Variants in CCSER1 observed in about 807,000 individuals in gnomAD.
CCSER1 encodes the protein serine-rich coiled-coil domain-containing protein 1.
In CCSER1, 41 loss-of-function variants were observed where a neutral mutation model predicts 82.0. That is an observed-to-expected ratio of 0.50 (90% CI 0.39 to 0.65). CCSER1 has a LOEUF of 0.65. CCSER1 is among the 30% of genes least tolerant of loss of function. The probability of loss-of-function intolerance (pLI) is 0.00; values close to 1 mark genes in which losing one functional copy is unlikely to be tolerated. For synonymous variants in CCSER1, 414 were observed against 383.9 expected, an observed-to-expected ratio of 1.08 and a Z score of -0.92; for missense variants, 1,119 against 1,064.2, an observed-to-expected ratio of 1.05 and a Z score of -0.72.
intron 10 of CCSER1, among the ~76,000 whole-genome samples, chr4:91,269,456 A>G (rs1317497812): frequency 2.6e-5 from 4 of 152,214 alleles, no homozygotes; most frequent in African/African-American, 4.8e-5. Flanking sequence ...AAAAGCTTGA[A>G]GGATTACTCA....
intron 9 of CCSER1, among the ~76,000 whole-genome samples, chr4:90,925,787 G>A (rs1372230269): frequency 1.3e-5 from 2 of 152,178 alleles, no homozygotes; most frequent in East Asian, 1.9e-4. Flanking sequence ...ATAGTTTAAT[G>A]CATCTTACTG....
intron 3 of CCSER1, among the ~76,000 whole-genome samples, chr4:90,392,518 C>T (rs1045526223): frequency 6.6e-6 from 1 of 152,096 alleles, no homozygotes; most frequent in Non-Finnish European, 1.5e-5. Context: ...TTCAGAATCT[C>T]ATTTTGCTAG....
rs564946652 is a variant in CCSER1 at position 91,133,733 on chromosome 4, G to A, written c.2217+47739G>A. 1.3e-5 allele frequency among the ~76,000 whole-genome samples: 2 copies of A among 152,222 alleles called. 1 individual carries two copies. Among genetic ancestry groups the A allele is most frequent in the African/African-American group, 4.8e-5 (2 of 41,538 alleles). ...ACCATTATTTACTAAAAAACAACAG[G>A]GCTCTTGGAATAATTTCTGGTTACA... On this transcript the variant is annotated intron_variant, in intron 10 of 10. Transcript: ENST00000509176.
At chr4:91,027,527 T>C (rs73834726) in intron 9 of CCSER1, among the ~76,000 whole-genome samples, 1,629 of 152,230 alleles carry the variant, frequency 0.011, 29 homozygotes, top group African/African-American at 0.037. Context: ...TTTATATCTA[T>C]ACTGATGAAG....
chr4:91,268,390 A>G (rs1414940589), intron 10 of CCSER1, among the ~76,000 whole-genome samples: 1 of 152,202 alleles, frequency 6.6e-6, no homozygotes, highest in Admixed American at 6.5e-5. Context: ...TGAGAATATA[A>G]AGGAAATTAT....
At chr4:91,382,023 C>T (rs941680362) in intron 10 of CCSER1, among the ~76,000 whole-genome samples, 3 of 152,154 alleles carry the variant, frequency 2.0e-5, no homozygotes, top group African/African-American at 4.8e-5. Context: ...GAGGCCCATT[C>T]CAGATCCTGT....
At chr4:91,349,054 A>G (rs1212387349) in intron 10 of CCSER1, among the ~76,000 whole-genome samples, 1 of 151,966 alleles carries the variant, frequency 6.6e-6, no homozygotes, top group African/African-American at 2.4e-5. Flanking sequence ...GACTACAGGC[A>G]CCGCCACCGT....
At chr4:90,906,236 A>T (rs925869819) in intron 8 of CCSER1, among the ~76,000 whole-genome samples, 5 of 152,116 alleles carry the variant, frequency 3.3e-5, no homozygotes, top group Non-Finnish European at 7.4e-5. Context: ...ATTTTTGCTC[A>T]TGACTATGCT....
chr4:90,419,924 C>A (rs1192621261), intron 4 of CCSER1, among the ~76,000 whole-genome samples: 1 of 151,754 alleles, frequency 6.6e-6, no homozygotes, highest in East Asian at 1.9e-4. Flanking sequence ...ATACCTTAAA[C>A]TTTTTATATG....
At chr4:90,720,300 T>A (rs574593855) in intron 6 of CCSER1, among the ~76,000 whole-genome samples, 4,129 of 123,356 alleles carry the variant, frequency 0.033, 171 homozygotes, top group African/African-American at 0.12. Flanking sequence ...AAAAAAAAAA[T>A]TAAAAAAAAA....
intron 1 of CCSER1, among the ~76,000 whole-genome samples, chr4:90,217,436 A>C (rs1741274272): frequency 6.6e-6 from 1 of 152,042 alleles, no homozygotes; most frequent in Non-Finnish European, 1.5e-5. Context: ...CTGACCTTGT[A>C]TTCCGCCCGC....
intron 10 of CCSER1, among the ~76,000 whole-genome samples, chr4:91,339,948 C>A (rs1379931494): frequency 6.6e-6 from 1 of 151,982 alleles, no homozygotes; most frequent in Non-Finnish European, 1.5e-5. Flanking sequence ...GAAACCCCAT[C>A]TCTACTAAAA....
At chr4:91,507,529 C>A (rs988453754) in intron 10 of CCSER1, among the ~76,000 whole-genome samples, 1 of 151,846 alleles carries the variant, frequency 6.6e-6, no homozygotes, top group Non-Finnish European at 1.5e-5. Context: ...CTGGGGTTCA[C>A]GCCATTCTCC....
At chr4:90,295,455 T>C (rs1731687420) in intron 1 of CCSER1, among the ~76,000 whole-genome samples, 1 of 152,072 alleles carries the variant, frequency 6.6e-6, no homozygotes, top group South Asian at 2.1e-4. Flanking sequence ...TCTATAAATT[T>C]CCTGTTACTA....
At chr4:91,019,111 T>C in intron 9 of CCSER1, among the ~76,000 whole-genome samples, 1 of 152,160 alleles carries the variant, frequency 6.6e-6, no homozygotes, top group Middle Eastern at 3.4e-3. Context: ...AGATAATAGA[T>C]ATTTTTATTT....
chr4:90,588,140 TG>T (rs1782240438), intron 5 of CCSER1, among the ~76,000 whole-genome samples: 1 of 152,218 alleles, frequency 6.6e-6, no homozygotes. Flanking sequence ...CTAATCAGCG[TG>T]GTGGCCACTG....
intron 9 of CCSER1, among the ~76,000 whole-genome samples, chr4:90,927,125 T>A (rs1452050694): frequency 6.6e-6 from 1 of 152,064 alleles, no homozygotes; most frequent in East Asian, 1.9e-4. Flanking sequence ...TAATTTGACA[T>A]CTTTATGGAC....
In CCSER1 at chr4:91,600,223, T is replaced by C. The variant is rs1764758415; in HGVS notation, c.*1166T>C. 6.6e-6 allele frequency: 1 copy of C among 152,158 alleles called. No individual in the cohort carries two copies. 9.4% of individuals were successfully genotyped at this position (152,158 alleles called of 1,614,324 possible). A position where few individuals can be genotyped will look rare whatever the true frequency, so the allele number is the denominator to read the frequency against. Reference sequence around the variant, plus strand: ...CTTTGACAAATAAGGCCCAAATATGTTATAATATGTTATATACTTATGTGC... The same window carrying C: ...CTTTGACAAATAAGGCCCAAATATGCTATAATATGTTATATACTTATGTGC... On this transcript the variant is annotated 3_prime_UTR_variant, in exon 11 of 11. Coordinates refer to ENST00000509176, the MANE Select transcript of CCSER1 (RefSeq NM_001145065.2).
At chr4:90,795,378 C>T (rs1360259009) in intron 7 of CCSER1, among the ~76,000 whole-genome samples, 1 of 151,698 alleles carries the variant, frequency 6.6e-6, no homozygotes, top group Non-Finnish European at 1.5e-5. Flanking sequence ...TGTTTATCAG[C>T]TTAAGGAGCT....
Sources: gnomAD v4.1 joint callset for allele counts (sites outside exome capture counted in the v4.1 genomes callset) on GRCh38, gnomAD v4.1.1 for gene constraint, MANE v1.5 for transcripts, NCBI Gene and HGNC (gene_info 2026-07-23, HGNC 2026-07-21) for gene names.